Variants in TMEM150B observed in about 807,000 individuals in gnomAD.
TMEM150B encodes modulator of macroautophagy TMEM150B.
Under a neutral mutation model 25.2 loss-of-function variants are expected in TMEM150B, and 33 were observed. The ratio of observed to expected loss-of-function variants is 1.31; its 90% confidence interval spans 0.99 to 1.75. The LOEUF is 1.75. Ranked by LOEUF, TMEM150B falls within the 40% of genes most tolerant of loss-of-function variation. The probability of loss-of-function intolerance (pLI) is 0.00; values close to 1 mark genes in which losing one functional copy is unlikely to be tolerated. For missense variants in TMEM150B, 322 were observed against 306.1 expected (o/e 1.05, Z -0.39); for synonymous variants, 133 against 134.8 (o/e 0.99, Z 0.09).
intron 6 of TMEM150B, among the ~76,000 whole-genome samples, chr19:55,319,116 TC>T (rs2089105484): frequency 6.6e-6 from 1 of 151,814 alleles, no homozygotes; most frequent in Non-Finnish European, 1.5e-5. Context: ...TTTTTTCTTT[TC>T]TTTTCTTTTT....
chr19:55,320,558 C>G lies in TMEM150B; in HGVS notation c.128G>C (p.Ser43Thr), dbSNP rs924864531. The change falls in exon 4 of 8, where the codon AGC becomes ACC. Residue 43 changes from serine (S) to threonine (T), a missense_variant and splice_region_variant. Ser to Thr is a moderately conservative substitution (Grantham distance 58, BLOSUM62 1). Transcript: ENST00000326652. ...VDLSKGFPYISICGSFPPQSC... is the reference protein window; with the variant it reads ...VDLSKGFPYITICGSFPPQSC... ...AATCCCTACCCTCGGGCAGAATTAC[C>G]TGATGTAGGGAAAGCCTTTACTGAG... 1 of 1,614,058 alleles carries G rather than the reference C, an allele frequency of 6.2e-7. No homozygotes were observed. The highest frequency in any genetic ancestry group is 8.5e-7 in the Non-Finnish European group (1 of 1,179,944).
At chr19:55,310,834 G>A (rs979612093), downstream of TMEM150B, among the ~76,000 whole-genome samples, 32 of 152,096 alleles carry the variant, frequency 2.1e-4, no homozygotes, top group African/African-American at 7.7e-4. This position sits in a 1 kb window ranked among gnomAD's most constrained non-coding sequence, Gnocchi z 5.0. Flanking sequence ...GTCTCAAAAC[G>A]GGCACACCCT....
chr19:55,317,104 A>C (rs942536258), intron 6 of TMEM150B, 138 bp from the exon 7 acceptor site: 1 of 708,470 alleles, frequency 1.4e-6, no homozygotes, highest in East Asian at 3.2e-5. Context: ...TATTAAGCAC[A>C]TCAGCTATTG....
downstream of TMEM150B, chr19:55,311,792 AG>A: frequency 9.5e-7 from 1 of 1,051,302 alleles, no homozygotes; most frequent in Non-Finnish European, 1.4e-6. Context: ...CAGGGATTGG[AG>A]CTAGAGCCTC....
At chr19:55,324,951 G>T (rs974820592) in intron 1 of TMEM150B, 3 of 897,030 alleles carry the variant, frequency 3.3e-6, no homozygotes, top group African/African-American at 1.8e-5. Flanking sequence ...GGAGGGAGGG[G>T]TCCATGCTAC....
intron 7 of TMEM150B, 47 bp from the exon 8 acceptor site, chr19:55,313,102 C>T: frequency 1.3e-6 from 2 of 1,543,544 alleles, no homozygotes; most frequent in African/African-American, 1.4e-5. Context: ...AGACGCGGAG[C>T]CCGGCCTGGT....
chr19:55,325,314 C>T lies in TMEM150B; in HGVS notation c.-196G>A. 1 of 985,378 alleles carries T rather than the reference C, an allele frequency of 1.0e-6. No homozygotes were observed. The highest frequency in any genetic ancestry group is 1.2e-6 in the Non-Finnish European group (1 of 829,934). The allele number at this position is 985,378 out of a possible 1,614,324, so 61.0% of individuals were successfully genotyped here. The stretch of plus-strand genomic sequence containing the variant: ...GGTGTCTGGAGCCTGAAGGATCCTT[C>T]CAGAAGCTAGGGCTGCTGGCCTGGC... On this transcript the variant is annotated 5_prime_UTR_variant, in exon 1 of 8. Transcript: ENST00000326652.
downstream of TMEM150B, chr19:55,312,214 A>C: frequency 2.3e-6 from 1 of 434,142 alleles, no homozygotes; most frequent in Non-Finnish European, 4.1e-6. Context: ...GGGGCTCCAC[A>C]GGCCGTGCCC....
At position 55,316,766 on chromosome 19, in the gene TMEM150B, C is replaced by G. The variant is rs974430111; in HGVS notation, c.505+20G>C. 6.8e-6 allele frequency: 10 copies of G among 1,479,342 alleles called. No individual in the cohort carries two copies. Among genetic ancestry groups the G allele is most frequent in the Non-Finnish European group, 8.9e-6 (10 of 1,119,452 alleles). The allele number at this position is 1,479,342 out of a possible 1,614,324, so 91.6% of individuals were successfully genotyped here. A position where few individuals can be genotyped will look rare whatever the true frequency, so the allele number is the denominator to read the frequency against. ...GTGAAGAGCCACCTCCAAGCCCTACCCCGGATACAAGAAGGATACTGGCCA... is the reference window on the plus strand; with the variant it reads ...GTGAAGAGCCACCTCCAAGCCCTACGCCGGATACAAGAAGGATACTGGCCA... On this transcript the variant is annotated intron_variant, in intron 7 of 7. Transcript: ENST00000326652.
At chr19:55,323,981 AT>A (rs1301775764) in intron 1 of TMEM150B, among the ~76,000 whole-genome samples, 3 of 139,506 alleles carry the variant, frequency 2.2e-5, no homozygotes, top group Non-Finnish European at 4.6e-5. Context: ...TAATTTTTGC[AT>A]TTTTTGATAA....
At position 55,321,553 on chromosome 19, in the gene TMEM150B, C is replaced by G. The variant is rs547311125; in HGVS notation, c.-57-460G>C. 3.7e-3 allele frequency among the ~76,000 whole-genome samples: 565 copies of G among 152,206 alleles called. 2 individuals are homozygous for G. Among genetic ancestry groups the G allele is most frequent in the African/African-American group, 0.013 (539 of 41,532 alleles). The stretch of plus-strand genomic sequence containing the variant: ...CACTTCCTGAGGGGCTCTCTACCTC[C>G]AAACCGCCATGTCCTCCCTCCTCAG... On this transcript the variant is annotated intron_variant, in intron 2 of 7. Coordinates refer to ENST00000326652, the MANE Select transcript of TMEM150B (RefSeq NM_001282011.2).
At chr19:55,314,891 G>C (rs1454124688) in intron 7 of TMEM150B, among the ~76,000 whole-genome samples, 2 of 152,142 alleles carry the variant, frequency 1.3e-5, no homozygotes. Context: ...CCAACACAGG[G>C]CCTTAGCTGG....
At chr19:55,325,196 A>G in intron 1 of TMEM150B, 76 bp downstream of exon 1, 1 of 858,506 alleles carries the variant, frequency 1.2e-6, no homozygotes. Flanking sequence ...ACCTGCTTGG[A>G]CCCTCCCTGG....
intron 1 of TMEM150B, 87 bp downstream of exon 1, chr19:55,325,185 G>T: frequency 1.3e-6 from 1 of 767,452 alleles, no homozygotes; most frequent in Non-Finnish European, 1.6e-6. Context: ...GTGCTTATGT[G>T]ACCTGCTTGG....
downstream of TMEM150B, chr19:55,312,764 T>G (rs1167681182): frequency 7.6e-7 from 1 of 1,322,394 alleles, no homozygotes; most frequent in Non-Finnish European, 1.0e-6. Context: ...GTTGGAGAGA[T>G]CTCCAGTGGC....
chr19:55,311,937 C>T (rs1421891468), downstream of TMEM150B: 1 of 1,611,502 alleles, frequency 6.2e-7, no homozygotes, highest in South Asian at 1.1e-5. Flanking sequence ...CCAGACCCGG[C>T]CTGCTGGTGC....
intron 6 of TMEM150B, among the ~76,000 whole-genome samples, chr19:55,319,101 A>T (rs1178846472): frequency 6.6e-6 from 1 of 151,156 alleles, no homozygotes; most frequent in South Asian, 2.1e-4. Flanking sequence ...AGCCTCACTA[A>T]TTTCTTTTTT....
At chr19:55,320,198 G>C (rs1483487299) in intron 5 of TMEM150B, 32 bp from the exon 6 acceptor site, 1 of 1,608,274 alleles carries the variant, frequency 6.2e-7, no homozygotes, top group Admixed American at 1.7e-5. Context: ...AAGTGGGAGG[G>C]AGACCCACCA....
At chr19:55,315,444 A>G (rs1270187036) in intron 7 of TMEM150B, among the ~76,000 whole-genome samples, 1 of 151,898 alleles carries the variant, frequency 6.6e-6, no homozygotes, top group Admixed American at 6.6e-5. Context: ...AGCCTGGCCA[A>G]TATGATGAAA....
Sources: allele counts gnomAD v4.1 joint callset (sites outside exome capture counted in the v4.1 genomes callset), GRCh38; gene constraint gnomAD v4.1.1; non-coding constraint Gnocchi (gnomAD v3.1); transcripts MANE v1.5; gene names NCBI Gene and HGNC (gene_info 2026-07-23, HGNC 2026-07-21).